The following PACS1 variants were observed in gnomAD, a reference collection of about 807,000 sequenced individuals.
The protein encoded by PACS1 is phosphofurin acidic cluster sorting protein 1.
PACS1 carries 24 observed loss-of-function variants against 115.0 expected under a neutral mutation model. That is an observed-to-expected ratio of 0.21 (90% CI 0.15 to 0.29). PACS1 has a LOEUF of 0.29. PACS1 is among the 10% of genes least tolerant of loss of function. PACS1 has a pLI of 1.00. For missense variants in PACS1, 838 were observed against 1,251.2 expected, an observed-to-expected ratio of 0.67 and a Z score of 4.98; for synonymous variants, 453 against 504.5, an observed-to-expected ratio of 0.90 and a Z score of 1.37.
chr11:66,146,543 A>G (rs1053124162), intron 1 of PACS1, among the ~76,000 whole-genome samples: 1 of 152,208 alleles, frequency 6.6e-6, no homozygotes, highest in South Asian at 2.1e-4. Flanking sequence ...ACAGAGCCTC[A>G]GAGATCTGTG....
At position 66,186,570 on chromosome 11, in the gene PACS1, T is replaced by C. The variant is rs1359104264; in HGVS notation, c.357-6916T>C. Among the ~76,000 whole-genome samples the C allele has an allele frequency of 2.0e-5, 3 of 152,228 alleles. No homozygotes were observed. The East Asian group carries it at 5.8e-4, about 29-fold the overall frequency. On this transcript the variant is annotated intron_variant, in intron 1 of 23. Coordinates refer to ENST00000320580, the MANE Select transcript of PACS1 (RefSeq NM_018026.4). The stretch of plus-strand genomic sequence containing the variant: ...TTACCTAATTATTATGTTTATTGCT[T>C]ATTGACTGTGTCCTTTCACTAGAGT...
intron 1 of PACS1, among the ~76,000 whole-genome samples, chr11:66,135,208 A>T (rs1055910659): frequency 1.3e-5 from 2 of 152,172 alleles, no homozygotes; most frequent in African/African-American, 4.8e-5. Context: ...TCAAAAAAAA[A>T]AATCTTATTT....
rs1037797426 is a variant in PACS1 at position 66,100,956 on chromosome 11, C to T, written c.356+30114C>T. On this transcript the variant is annotated intron_variant, in intron 1 of 23. Transcript: ENST00000320580. The stretch of plus-strand genomic sequence containing the variant: ...AGCCTCAGTGCCTGTCCTCCTCCAG[C>T]GTGGAGAGTCACATGGCCTCATTTC... The T allele has an allele frequency of 1.3e-5, 6 of 455,320 alleles. No individual in the cohort carries two copies. The East Asian group carries it at 2.1e-4, about 16-fold the overall frequency. 28.2% of individuals were successfully genotyped at this position (455,320 alleles called of 1,614,324 possible).
chr11:66,237,958 C>T (rs553668665), intron 19 of PACS1: 38 of 604,288 alleles, frequency 6.3e-5, no homozygotes, highest in Admixed American at 3.8e-4. Context: ...GATTTCGCCC[C>T]ATCAGGGTCC....
intron 1 of PACS1, among the ~76,000 whole-genome samples, chr11:66,130,980 A>T (rs906166874): frequency 6.6e-6 from 1 of 152,148 alleles, no homozygotes; most frequent in Admixed American, 6.6e-5. Flanking sequence ...CTGGGGTGGG[A>T]GGATCGCTTG....
intron 1 of PACS1, among the ~76,000 whole-genome samples, chr11:66,181,200 A>T (rs1045761845): frequency 2.0e-5 from 3 of 149,792 alleles, no homozygotes; most frequent in Admixed American, 6.6e-5. Flanking sequence ...TTTTTATTTT[A>T]ATTTTAATTT....
At chr11:66,194,783 C>G (rs1379418592) in intron 2 of PACS1, among the ~76,000 whole-genome samples, 2 of 152,142 alleles carry the variant, frequency 1.3e-5, no homozygotes, top group African/African-American at 4.8e-5. Flanking sequence ...AGCTAGTTCA[C>G]CTACTATGCT....
chr11:66,102,395 G>A (rs1326950562), intron 1 of PACS1, among the ~76,000 whole-genome samples: 1 of 151,892 alleles, frequency 6.6e-6, no homozygotes, highest in Non-Finnish European at 1.5e-5. Flanking sequence ...TGCGATCTCG[G>A]CTCACTGCAA....
chr11:66,128,935 G>A (rs1472657470), intron 1 of PACS1, among the ~76,000 whole-genome samples: 3 of 151,912 alleles, frequency 2.0e-5, no homozygotes, highest in Non-Finnish European at 4.4e-5. Flanking sequence ...CGGAGTAGTG[G>A]TTGCCTGGAG....
At chr11:66,238,168 C>T in intron 19 of PACS1, 14 of 985,262 alleles carry the variant, frequency 1.4e-5, no homozygotes, top group Non-Finnish European at 1.6e-5. Flanking sequence ...TAAAGAACCC[C>T]CCCACCCCCA....
At chr11:66,147,403 C>G (rs1859152178) in intron 1 of PACS1, among the ~76,000 whole-genome samples, 3 of 151,414 alleles carry the variant, frequency 2.0e-5, no homozygotes. Context: ...ATCCACAAGA[C>G]TAAAGGAAGA....
At chr11:66,240,939 G>C (rs1300942615) in intron 21 of PACS1, 1 of 152,994 alleles carries the variant, frequency 6.5e-6, no homozygotes, top group South Asian at 2.0e-4. Flanking sequence ...GCCATGAAAA[G>C]GAGAAAGCTG....
At position 66,168,800 on chromosome 11, in the gene PACS1, A is replaced by AT. The variant is rs1443379885; in HGVS notation, c.357-24680dup. ...TGTGTATACATTTACACACATTTACATTTTTTAATTTTACATTTTTAAATT... is the reference window on the plus strand; with the variant it reads ...TGTGTATACATTTACACACATTTACATTTTTTTAATTTTACATTTTTAAATT... On this transcript the variant is annotated intron_variant, in intron 1 of 23. Transcript: ENST00000320580. Among the ~76,000 whole-genome samples, 6 of 149,096 alleles carry AT rather than the reference A, an allele frequency of 4.0e-5. No individual in the cohort carries two copies. The East Asian group carries it at 1.2e-3, about 29-fold the overall frequency.
chr11:66,146,647 A>G (rs915444515), intron 1 of PACS1, among the ~76,000 whole-genome samples: 10 of 152,246 alleles, frequency 6.6e-5, no homozygotes, highest in African/African-American at 2.2e-4. Flanking sequence ...TAACAGCCAG[A>G]AACTTCCTAC....
At chr11:66,177,459 G>A (rs903693659) in intron 1 of PACS1, among the ~76,000 whole-genome samples, 2 of 152,126 alleles carry the variant, frequency 1.3e-5, no homozygotes, top group Admixed American at 6.5e-5. Context: ...CCATAGTGCT[G>A]GGATTACAGG....
intron 7 of PACS1, 53 bp downstream of exon 7, chr11:66,216,828 A>G: frequency 7.7e-7 from 1 of 1,306,036 alleles, no homozygotes; most frequent in South Asian, 1.2e-5. Context: ...GTCTGGGGGT[A>G]GGTTGGCAGC....
intron 3 of PACS1, 72 bp from the exon 4 acceptor site, chr11:66,211,060 CTG>C (rs1252035409): frequency 3.3e-6 from 5 of 1,537,682 alleles, no homozygotes; most frequent in South Asian, 2.3e-5. Flanking sequence ...CACAGAAAGA[CTG>C]TGTGTCCTCC....
chr11:66,148,261 C>T (rs1859167988), intron 1 of PACS1, among the ~76,000 whole-genome samples: 1 of 152,100 alleles, frequency 6.6e-6, no homozygotes, highest in African/African-American at 2.4e-5. Context: ...CTCAAGTGAT[C>T]CTCTCAGCTT....
chr11:66,139,160 A>G (rs1192837357), intron 1 of PACS1, among the ~76,000 whole-genome samples: 1 of 152,172 alleles, frequency 6.6e-6, no homozygotes, highest in Non-Finnish European at 1.5e-5. Flanking sequence ...TGTGCTTGAG[A>G]TAGTGGTGGC....
Sources: gnomAD v4.1 joint callset for allele counts (sites outside exome capture counted in the v4.1 genomes callset) on GRCh38, gnomAD v4.1.1 for gene constraint, MANE v1.5 for transcripts, NCBI Gene and HGNC (gene_info 2026-07-23, HGNC 2026-07-21) for gene names.